ABLIM1: variants seen among roughly 807,000 people sequenced by gnomAD.
ABLIM1 encodes actin-binding LIM protein 1.
Under a neutral mutation model 107.0 loss-of-function variants are expected in ABLIM1, and 40 were observed. That is an observed-to-expected ratio of 0.37 (90% CI 0.29 to 0.49). The LOEUF (loss-of-function observed/expected upper bound fraction) is 0.49. Among genes scored for constraint, ABLIM1 ranks in the 20% least tolerant of loss-of-function variants. The pLI, the probability that ABLIM1 is intolerant of heterozygous loss-of-function variation, is 0.97. For synonymous variants in ABLIM1, 357 were observed against 357.3 expected, an observed-to-expected ratio of 1.00 and a Z score of 0.01; for missense variants, 857 against 1,008.5, an observed-to-expected ratio of 0.85 and a Z score of 2.04.
intron 1 of ABLIM1, among the ~76,000 whole-genome samples, chr10:114,710,585 G>A (rs1413471835): frequency 6.6e-6 from 1 of 152,080 alleles, no homozygotes; most frequent in African/African-American, 2.4e-5. Context: ...AGATTTGGGT[G>A]GGAACGCAGC....
intron 5 of ABLIM1, 82 bp downstream of exon 5, chr10:114,547,568 G>A (rs1214588356): frequency 6.4e-7 from 1 of 1,574,046 alleles, no homozygotes; most frequent in Non-Finnish European, 8.6e-7. Context: ...TGATGGGGTG[G>A]GGCCCCTGAG....
chr10:114,649,400 AAAATAAATAAATAAATAAATAAATAAAT>A (rs57772186), intron 1 of ABLIM1, among the ~76,000 whole-genome samples: 6 of 136,270 alleles, frequency 4.4e-5, no homozygotes, highest in Admixed American at 7.4e-5. Context: ...AGACTCTGTC[AAAATAAATAAATAAATAAATAAATAAAT>A]AAATAAATAA....
intron 4 of ABLIM1, among the ~76,000 whole-genome samples, chr10:114,558,574 T>A (rs187155236): frequency 2.0e-5 from 3 of 152,222 alleles, no homozygotes; most frequent in Admixed American, 1.3e-4. Flanking sequence ...GGGTGAAGGA[T>A]GCGGGTGCCT....
intron 1 of ABLIM1, among the ~76,000 whole-genome samples, chr10:114,714,888 C>T (rs2081627901): frequency 6.6e-6 from 1 of 152,132 alleles, no homozygotes; most frequent in Non-Finnish European, 1.5e-5. Flanking sequence ...AAATCAACTT[C>T]TGATTATCCC....
At chr10:114,470,398 G>A (rs185356279) in intron 10 of ABLIM1, among the ~76,000 whole-genome samples, 61 of 143,008 alleles carry the variant, frequency 4.3e-4, no homozygotes, top group African/African-American at 1.5e-3. Context: ...ACTCCAGCTG[G>A]GTGACAGAGT....
At position 114,545,943 on chromosome 10, in the gene ABLIM1, C is replaced by A. The variant is rs72826995; in HGVS notation, c.801-845G>T. Among the ~76,000 whole-genome samples the A allele has an allele frequency of 6.0e-3, 735 of 122,362 alleles. 5 individuals are homozygous for A. The highest frequency in any genetic ancestry group is 0.018 in the African/African-American group (532 of 29,710). The allele number at this position is 122,362 out of a possible 152,430, so 80.3% of individuals were successfully genotyped here. A position where few individuals can be genotyped will look rare whatever the true frequency, so the allele number is the denominator to read the frequency against. ...AAGACCCCATCTCAAAAAAAAAAAACAAAAAAAAAAAACAAGAACACTGAG... is the reference window on the plus strand; with the variant it reads ...AAGACCCCATCTCAAAAAAAAAAAAAAAAAAAAAAAAACAAGAACACTGAG... On this transcript the variant is annotated intron_variant, in intron 5 of 22. Transcript: ENST00000533213.
upstream of ABLIM1, among the ~76,000 whole-genome samples, chr10:114,769,326 G>C (rs1334524183): frequency 6.7e-6 from 1 of 149,894 alleles, no homozygotes; most frequent in African/African-American, 2.5e-5. Flanking sequence ...CTGGGTGACA[G>C]AGCAAGACTC....
At chr10:114,712,741 T>C (rs2081579713) in intron 1 of ABLIM1, among the ~76,000 whole-genome samples, 1 of 152,240 alleles carries the variant, frequency 6.6e-6, no homozygotes, top group South Asian at 2.1e-4. Context: ...AAATGATCTA[T>C]GACACGGGAA....
At chr10:114,564,259 G>C (rs1591245930) in intron 4 of ABLIM1, among the ~76,000 whole-genome samples, 2 of 151,582 alleles carry the variant, frequency 1.3e-5, no homozygotes, top group Middle Eastern at 6.9e-3. Flanking sequence ...GTTTCCTCCT[G>C]CGTGGGTTTT....
intron 1 of ABLIM1, among the ~76,000 whole-genome samples, chr10:114,675,452 C>G (rs1374681537): frequency 6.6e-6 from 1 of 152,148 alleles, no homozygotes; most frequent in East Asian, 1.9e-4. Flanking sequence ...TTGCCTGCCT[C>G]CATGTAAGAG....
intron 1 of ABLIM1, among the ~76,000 whole-genome samples, chr10:114,644,019 T>C (rs2483523): frequency 0.021 from 3,213 of 151,696 alleles, 102 homozygotes; most frequent in African/African-American, 0.074. Context: ...CAGTGGCTCA[T>C]ATCTGTAATC....
intron 1 of ABLIM1, among the ~76,000 whole-genome samples, chr10:114,727,772 T>G (rs1181236569): frequency 6.6e-6 from 1 of 152,052 alleles, no homozygotes; most frequent in Admixed American, 6.5e-5. Flanking sequence ...CTGGGCAACA[T>G]GGAGAAGCCC....
intron 2 of ABLIM1, among the ~76,000 whole-genome samples, chr10:114,587,262 A>G (rs2074293930): frequency 6.6e-6 from 1 of 152,230 alleles, no homozygotes; most frequent in African/African-American, 2.4e-5. Context: ...ATTGAAAATT[A>G]CAGATAGAGG....
At chr10:114,485,245 A>G in intron 8 of ABLIM1, 1 of 1,398,914 alleles carries the variant, frequency 7.1e-7, no homozygotes, top group Non-Finnish European at 9.6e-7. Context: ...AAGCAACAGA[A>G]GCCTGGGCCC....
chr10:114,554,563 G>A lies in ABLIM1; in HGVS notation c.674-6787C>T, dbSNP rs553789061. ...AAATAGAATAGCGAGGCGTGGCAGC[G>A]CTAGGACTGCAAGTCCTAGCTACTT... On this transcript the variant is annotated intron_variant, in intron 4 of 22. Transcript: ENST00000533213. 2.8e-4 allele frequency among the ~76,000 whole-genome samples: 43 copies of A among 152,266 alleles called. No individual in the cohort carries two copies. The South Asian group carries it at 6.6e-3, about 23-fold the overall frequency.
rs563780308 is a variant in ABLIM1, at chr10:114,629,757, C to A, written c.245-27796G>T. Among the ~76,000 whole-genome samples, 1 of 152,168 alleles carries A rather than the reference C, an allele frequency of 6.6e-6. No homozygotes were observed. The highest frequency in any genetic ancestry group is 1.5e-5 in the Non-Finnish European group (1 of 68,036). On this transcript the variant is annotated intron_variant, in intron 1 of 22. Transcript: ENST00000533213. The surrounding 1 kb of genome is among the most constrained non-coding windows in gnomAD (Gnocchi z 4.0). The stretch of plus-strand genomic sequence containing the variant: ...CTCTAGGATGAATGCCTGGACTAAA[C>A]GATCCCCAGTGCCCTTCTCACTTTA...
intron 1 of ABLIM1, chr10:114,631,877 C>A: frequency 7.7e-7 from 1 of 1,303,900 alleles, no homozygotes; most frequent in Non-Finnish European, 1.0e-6. Flanking sequence ...TGCAACCATG[C>A]ACAGTGATCG....
At chr10:114,703,802 A>G (rs1448420396) in intron 1 of ABLIM1, among the ~76,000 whole-genome samples, 1 of 152,196 alleles carries the variant, frequency 6.6e-6, no homozygotes, top group Non-Finnish European at 1.5e-5. Flanking sequence ...CAGAGCCCAG[A>G]AGGGTCGCAG....
chr10:114,543,565 C>T (rs963469198), intron 6 of ABLIM1, among the ~76,000 whole-genome samples: 9 of 152,192 alleles, frequency 5.9e-5, no homozygotes, highest in East Asian at 1.9e-4. Flanking sequence ...TTCTACCTTT[C>T]GGCTGATGTG....
Sources: allele counts gnomAD v4.1 joint callset (sites outside exome capture counted in the v4.1 genomes callset), GRCh38; gene constraint gnomAD v4.1.1; non-coding constraint Gnocchi (gnomAD v3.1); transcripts MANE v1.5; gene names NCBI Gene and HGNC (gene_info 2026-07-23, HGNC 2026-07-21).